The following RANBP17 variants were observed in gnomAD, a reference collection of about 807,000 sequenced individuals.
The protein encoded by RANBP17 is RAN binding protein 17.
RANBP17 carries 158 observed loss-of-function variants against 141.2 expected under a neutral mutation model. The ratio of observed to expected loss-of-function variants is 1.12; its 90% CI spans 0.98 to 1.28. The LOEUF is 1.28. Among genes scored for constraint, RANBP17 ranks in the 50% most tolerant of loss-of-function variants. The pLI, the probability that RANBP17 is intolerant of heterozygous loss-of-function variation, is 0.00. For missense variants in RANBP17, 1,438 were observed against 1,290.7 expected (o/e 1.11, Z -1.75); for synonymous variants, 430 against 450.0 (o/e 0.96, Z 0.56).
chr5:171,027,426 T>G (rs1339803498), intron 14 of RANBP17, among the ~76,000 whole-genome samples: 1 of 152,168 alleles, frequency 6.6e-6, no homozygotes, highest in Non-Finnish European at 1.5e-5. Flanking sequence ...GATAGTTTGG[T>G]GGAACTAAAC....
At chr5:171,128,972 T>A (rs143027651) in intron 14 of RANBP17, among the ~76,000 whole-genome samples, 73 of 152,284 alleles carry the variant, frequency 4.8e-4, no homozygotes, top group African/African-American at 1.7e-3. Flanking sequence ...ATAAATTAGT[T>A]CTGGCCCTGC....
chr5:171,295,718 A>G (rs930160618), intron 26 of RANBP17, among the ~76,000 whole-genome samples, 169 bp from the exon 27 acceptor site: 5 of 152,184 alleles, frequency 3.3e-5, no homozygotes, highest in African/African-American at 1.2e-4. Context: ...GAGTGTCTCT[A>G]TGGCATGGAT....
intron 14 of RANBP17, among the ~76,000 whole-genome samples, chr5:171,019,630 C>T (rs183178494): frequency 6.6e-6 from 1 of 151,876 alleles, no homozygotes; most frequent in East Asian, 1.9e-4. Context: ...TTTATTGTGT[C>T]TATTTGATTC....
At chr5:171,265,898 A>G in intron 25 of RANBP17, 51 bp downstream of exon 25, 1 of 1,550,620 alleles carries the variant, frequency 6.4e-7, no homozygotes, top group Non-Finnish European at 8.8e-7. Context: ...CCCAGAAGCC[A>G]TACCTGGCCC....
At chr5:170,882,281 C>A (rs938672672) in intron 3 of RANBP17, among the ~76,000 whole-genome samples, 17 of 152,180 alleles carry the variant, frequency 1.1e-4, no homozygotes, top group Admixed American at 4.6e-4. Context: ...AGGGTTTCAC[C>A]ATGTTGGCCA....
intron 1 of RANBP17, among the ~76,000 whole-genome samples, chr5:170,863,172 G>A (rs1164302586): frequency 6.6e-6 from 1 of 152,188 alleles, no homozygotes; most frequent in African/African-American, 2.4e-5. Context: ...AGGAAGGGAA[G>A]GATATGGAGG....
At chr5:171,286,487 T>G (rs1768180328) in intron 25 of RANBP17, among the ~76,000 whole-genome samples, 2 of 152,344 alleles carry the variant, frequency 1.3e-5, no homozygotes, top group Non-Finnish European at 2.9e-5. Flanking sequence ...GTTAGTAATG[T>G]TATTTTTATA....
chr5:171,159,387 A>G (rs186442983), intron 14 of RANBP17, among the ~76,000 whole-genome samples: 107 of 152,328 alleles, frequency 7.0e-4, no homozygotes, highest in African/African-American at 2.4e-3. Flanking sequence ...CTGGCTCGCC[A>G]TCAGTCACAA....
Position 171,137,571 on chromosome 5 carries a change from G to GGTGTGTGT in RANBP17, c.1711-32559_1711-32558insGTGTGTGT, listed in dbSNP as rs757634108. 7.3e-3 allele frequency among the ~76,000 whole-genome samples: 458 copies of GGTGTGTGT among 62,518 alleles called. 2 individuals are homozygous for GGTGTGTGT. The highest frequency in any genetic ancestry group is 0.013 in the Admixed American group (77 of 5,908). The allele number at this position is 62,518 out of a possible 152,430, so 41.0% of individuals were successfully genotyped here. A position where few individuals can be genotyped will look rare whatever the true frequency, so the allele number is the denominator to read the frequency against. On this transcript the variant is annotated intron_variant, in intron 14 of 27. Coordinates refer to ENST00000523189, the MANE Select transcript of RANBP17 (RefSeq NM_022897.5). ...CTAGGAAATGCTTCTGTTGACTTGA[G>GGTGTGTGT]ATGTGTGTGTGTGTGTGTGTGTGTG...
At position 170,968,274 on chromosome 5, in the gene RANBP17, G is replaced by A. The variant is rs1453788692; in HGVS notation, c.1607G>A (p.Gly536Glu). The change falls in exon 14 of 28, where the codon GGA becomes GAA. Residue 536 changes from glycine to glutamate, a missense_variant. Coordinates refer to ENST00000523189, the MANE Select transcript of RANBP17 (RefSeq NM_022897.5). ...CAGCTTATATCTTTAATGGATACCG[G>A]ATTGCCTCGATGTTGTAATGAGAAA... ...VFQLISLMDTGLPRCCNEKIE... is the reference protein window; with the variant it reads ...VFQLISLMDTELPRCCNEKIE... 4 of 1,600,958 alleles carry A rather than the reference G, an allele frequency of 2.5e-6. No individual in the cohort carries two copies. In the African/African-American group the frequency reaches 4.0e-5, roughly 16 times the overall value.
intron 14 of RANBP17, among the ~76,000 whole-genome samples, chr5:171,000,672 AAG>A (rs1779140761): frequency 2.0e-5 from 3 of 152,154 alleles, no homozygotes; most frequent in East Asian, 3.8e-4. Flanking sequence ...TGAGTCTGAA[AAG>A]AGAGTCAGCA....
chr5:171,152,315 G>A (rs1419785423), intron 14 of RANBP17, among the ~76,000 whole-genome samples: 2 of 151,710 alleles, frequency 1.3e-5, no homozygotes, highest in Middle Eastern at 3.2e-3. Flanking sequence ...AGCTACTCGG[G>A]AGGCTGAGGT....
At chr5:171,069,737 A>G (rs73321771) in intron 14 of RANBP17, among the ~76,000 whole-genome samples, 3,107 of 152,274 alleles carry the variant, frequency 0.02, 103 homozygotes, top group African/African-American at 0.069. Context: ...AGGCTAAGCT[A>G]TGACGTTTAG....
intron 26 of RANBP17, among the ~76,000 whole-genome samples, chr5:171,294,982 C>G (rs1195263562): frequency 6.6e-6 from 1 of 152,148 alleles, no homozygotes; most frequent in Non-Finnish European, 1.5e-5. Flanking sequence ...TGTGCATTCC[C>G]AATCTTGTTC....
At chr5:170,881,973 G>A in intron 3 of RANBP17, 77 bp downstream of exon 3, 4 of 873,994 alleles carry the variant, frequency 4.6e-6, no homozygotes, top group Non-Finnish European at 5.2e-6. Flanking sequence ...ACTGTTACTA[G>A]GATTGCAAAT....
At chr5:171,039,001 A>G (rs1027632691) in intron 14 of RANBP17, among the ~76,000 whole-genome samples, 20 of 152,138 alleles carry the variant, frequency 1.3e-4, no homozygotes, top group East Asian at 7.7e-4. Context: ...GATTAATTCT[A>G]TGTCTTTGCT....
intron 22 of RANBP17, among the ~76,000 whole-genome samples, chr5:171,234,982 A>G (rs2127991970): frequency 6.6e-6 from 1 of 152,306 alleles, no homozygotes; most frequent in South Asian, 2.1e-4. Context: ...ATATAGAGGA[A>G]GACTTAGGTT....
intron 25 of RANBP17, among the ~76,000 whole-genome samples, chr5:171,273,225 G>T (rs1364868002): frequency 1.3e-5 from 2 of 152,160 alleles, no homozygotes; most frequent in Non-Finnish European, 2.9e-5. Flanking sequence ...AGCATAGAAT[G>T]CCATTTTTAA....
chr5:171,189,801 G>C (rs1381940522), intron 18 of RANBP17, among the ~76,000 whole-genome samples: 2 of 152,152 alleles, frequency 1.3e-5, no homozygotes, highest in Non-Finnish European at 2.9e-5. Flanking sequence ...TCACAAACTA[G>C]GTTGACTGGA....
Sources: gnomAD v4.1 joint callset for allele counts (sites outside exome capture counted in the v4.1 genomes callset) on GRCh38, gnomAD v4.1.1 for gene constraint, MANE v1.5 for transcripts, NCBI Gene and HGNC (gene_info 2026-07-23, HGNC 2026-07-21) for gene names.